GCC2: variants seen among roughly 807,000 people sequenced by gnomAD.
The protein encoded by GCC2 is GRIP and coiled-coil domain-containing protein 2.
In GCC2, 120 loss-of-function variants were observed where a neutral mutation model predicts 210.6. The observed-to-expected ratio is 0.57, with a 90% CI of 0.49 to 0.66. The LOEUF is 0.66. Among genes scored for constraint, GCC2 ranks in the 30% least tolerant of loss-of-function variants. The pLI, the probability that GCC2 is intolerant of heterozygous loss-of-function variation, is 0.00. For synonymous variants in GCC2, 703 were observed against 652.7 expected (o/e 1.08, Z -1.17); for missense variants, 1,868 against 1,871.9 (o/e 1.00, Z 0.04).
chr2:108,504,716 A>C (rs1268121020), intron 22 of GCC2, among the ~76,000 whole-genome samples: 1 of 152,136 alleles, frequency 6.6e-6, no homozygotes, highest in African/African-American at 2.4e-5. Context: ...TATATGCAAA[A>C]TTTGAATCTC....
chr2:108,465,276 G>A (rs1383492104), intron 4 of GCC2, among the ~76,000 whole-genome samples: 1 of 152,216 alleles, frequency 6.6e-6, no homozygotes, highest in Middle Eastern at 3.2e-3. Context: ...AGTGGAGGAG[G>A]TAAGTAAGAG....
chr2:108,475,456 A>G, intron 7 of GCC2, 79 bp from the exon 8 acceptor site: 2 of 611,378 alleles, frequency 3.3e-6, no homozygotes. Context: ...CTCCCAAATA[A>G]TCTAGGGCTA....
At chr2:108,457,678 A>G (rs1345183624) in intron 4 of GCC2, among the ~76,000 whole-genome samples, 1 of 152,172 alleles carries the variant, frequency 6.6e-6, no homozygotes, top group Non-Finnish European at 1.5e-5. Flanking sequence ...TTTTCATTAT[A>G]GAGATCTTAC....
intron 18 of GCC2, among the ~76,000 whole-genome samples, chr2:108,491,067 T>C (rs61333803): frequency 0.017 from 2,523 of 152,240 alleles, 82 homozygotes; most frequent in African/African-American, 0.059. Context: ...GTCTCCACTT[T>C]TAAAAAATGT....
At position 108,453,636 on chromosome 2, in the gene GCC2, T is replaced by C. The variant is rs35983570; in HGVS notation, c.216+1170T>C. Among the ~76,000 whole-genome samples, 906 of 152,072 alleles carry C rather than the reference T, an allele frequency of 6.0e-3. 5 individuals are homozygous for C. Among genetic ancestry groups the C allele is most frequent in the Non-Finnish European group, 9.9e-3 (671 of 67,966 alleles). ...CCTGTCTGTACTAAAAATACAACAT[T>C]TAGCTGGGCGTGATTGCCCACACCT... On this transcript the variant is annotated intron_variant, in intron 4 of 22. Transcript: ENST00000309863.
rs1681129370 is a variant in GCC2 at position 108,470,360 on chromosome 2, T to G, written c.1031T>G (p.Leu344Arg). 1 of 1,605,740 alleles carries G rather than the reference T, an allele frequency of 6.2e-7. No individual in the cohort carries two copies. Among genetic ancestry groups the G allele is most frequent in the Non-Finnish European group, 8.5e-7 (1 of 1,175,604 alleles). Residue 344 changes from leucine to arginine, a missense_variant, in exon 6 of 23, where the codon CTT becomes CGT. By Grantham distance (102) the Leu-to-Arg change is moderately radical. Coordinates refer to ENST00000309863, the MANE Select transcript of GCC2 (RefSeq NM_181453.4). ...VKHLEDTLKE[L>R]ESQHSILKDE... ...CACTTAGAAGATACCTTAAAAGAAC[T>G]TGAATCTCAACACAGTATCTTAAAA...
chr2:108,490,373 G>A (rs1266085746), intron 18 of GCC2, among the ~76,000 whole-genome samples: 1 of 151,974 alleles, frequency 6.6e-6, no homozygotes, highest in African/African-American at 2.4e-5. Context: ...GTTGCTAACT[G>A]AAAAAGAATA....
intron 20 of GCC2, chr2:108,496,253 T>C (rs1033302744): frequency 2.0e-5 from 3 of 151,946 alleles, no homozygotes; most frequent in Non-Finnish European, 2.9e-5. Context: ...TAATGCTAAA[T>C]TTTTGTAGTG....
chr2:108,505,601 G>A (rs966875383), intron 22 of GCC2, among the ~76,000 whole-genome samples: 58 of 152,196 alleles, frequency 3.8e-4, no homozygotes, highest in African/African-American at 1.4e-3. Context: ...CCATCCCATA[G>A]GCAAGGAACA....
rs778958751 is a variant in GCC2 at position 108,470,641 on chromosome 2, T to C, written c.1312T>C (p.Ser438Pro). The C allele has an allele frequency of 8.7e-6, 14 of 1,612,010 alleles. No individual in the cohort carries two copies. The highest frequency in any genetic ancestry group is 2.2e-5 in the East Asian group (1 of 44,840). The change falls in exon 6 of 23, where the codon TCA (serine) becomes CCA (proline). Residue 438 changes from serine (S) to proline (P), a missense_variant. By Grantham distance (74) the Ser-to-Pro change is moderately conservative (BLOSUM62 -1). This residue lies in a region of GCC2 where 1,847 missense variants were observed against 1,765.2 expected (regional missense o/e 1.05). Transcript: ENST00000309863. ...SLKEQHQKEI[S>P]ELNETFLSDS... ...TAAGGAACAACATCAAAAAGAAATA[T>C]CAGAACTAAATGAGACATTTTTGTC... is the stretch of plus-strand genomic sequence containing the variant.
At chr2:108,456,928 T>C (rs1346791125) in intron 4 of GCC2, among the ~76,000 whole-genome samples, 2 of 146,362 alleles carry the variant, frequency 1.4e-5, no homozygotes, top group Non-Finnish European at 3.0e-5. Flanking sequence ...CCAGCCTGGG[T>C]GACAGAGGGA....
At chr2:108,491,849 G>A (rs1682418314) in intron 18 of GCC2, among the ~76,000 whole-genome samples, 1 of 151,686 alleles carries the variant, frequency 6.6e-6, no homozygotes, top group Non-Finnish European at 1.5e-5. Context: ...AAAAGTGATG[G>A]TTCCCAAATT....
Position 108,470,715 on chromosome 2 carries a change from T to C in GCC2, c.1386T>C (p.Leu462=). 1.2e-6 allele frequency: 2 copies of C among 1,612,492 alleles called. No individual in the cohort carries two copies. The highest frequency in any genetic ancestry group is 1.7e-6 in the Non-Finnish European group (2 of 1,179,290). The change falls in exon 6 of 23, where the codon CTT becomes CTC. Residue 462 remains leucine (L), a synonymous_variant. Coordinates refer to ENST00000309863, the MANE Select transcript of GCC2 (RefSeq NM_181453.4). ...CATTAATGTTTGAAATACAGGGTCT[T>C]AAGGAACAGTGTGAAAACCTACAGC... ...KLTLMFEIQG[L]KEQCENLQQE...
At position 108,504,659 on chromosome 2, in the gene GCC2, T is replaced by C. The variant is rs546264884; in HGVS notation, c.4985-2901T>C. On this transcript the variant is annotated intron_variant, in intron 22 of 22. Coordinates refer to ENST00000309863, the MANE Select transcript of GCC2 (RefSeq NM_181453.4). ...TTCATTTCTATTTCAGGTAGACTTATGGTAAGTCAGTTTTGCTCCCCAAAT... is the reference window on the plus strand; with the variant it reads ...TTCATTTCTATTTCAGGTAGACTTACGGTAAGTCAGTTTTGCTCCCCAAAT... Among the ~76,000 whole-genome samples the C allele has an allele frequency of 3.9e-5, 6 of 152,212 alleles. No individual in the cohort carries two copies. The East Asian group carries it at 5.8e-4, about 15-fold the overall frequency.
In GCC2 at chr2:108,471,505, C is replaced by T; in HGVS notation, c.2176C>T (p.Gln726Ter). Reference sequence around the variant, plus strand: ...TGTTATCCTTAAAGAACATATTACTCAATTAGAAAAGAAACTTCAGTTAAT... The same window carrying T: ...TGTTATCCTTAAAGAACATATTACTTAATTAGAAAAGAAACTTCAGTTAAT... Reference protein sequence around the residue: ...EDVILKEHITQLEKKLQLMVE... With the variant: ...EDVILKEHIT The change falls in exon 6 of 23, where the codon CAA becomes TAA. Residue 726 changes from glutamine (Q) to a stop codon, truncating the protein, a stop_gained. Transcript: ENST00000309863. LOFTEE classifies it high-confidence loss of function. 6.2e-7 allele frequency: 1 copy of T among 1,606,214 alleles called. No individual in the cohort carries two copies. Among genetic ancestry groups the T allele is most frequent in the East Asian group, 2.2e-5 (1 of 44,782 alleles).
chr2:108,504,122 TA>T (rs995192373), intron 22 of GCC2, among the ~76,000 whole-genome samples: 3 of 151,436 alleles, frequency 2.0e-5, no homozygotes, highest in Non-Finnish European at 4.4e-5. Flanking sequence ...ACCCCATCTT[TA>T]AAAAAAAATT....
At chr2:108,462,474 G>T (rs1209789879) in intron 4 of GCC2, 2 of 146,642 alleles carry the variant, frequency 1.4e-5, no homozygotes, top group Non-Finnish European at 3.0e-5. Flanking sequence ...AGCCTGGGGG[G>T]CAGAGCGAGA....
At position 108,475,371 on chromosome 2, in the gene GCC2, T is replaced by G. The variant is rs1681454350; in HGVS notation, c.2861-164T>G. 3 of 454,166 alleles carry G rather than the reference T, an allele frequency of 6.6e-6. No individual in the cohort carries two copies. In the South Asian group the frequency reaches 1.4e-4, roughly 21 times the overall value. The allele number at this position is 454,166 out of a possible 1,614,324, so 28.1% of individuals were successfully genotyped here. ...TTTTTACATTGTTTGTCTCACATAA[T>G]GAATAAAATTCCACTTTAAAAAATG... On this transcript the variant is annotated intron_variant, in intron 7 of 22. Coordinates refer to ENST00000309863, the MANE Select transcript of GCC2 (RefSeq NM_181453.4).
intron 9 of GCC2, among the ~76,000 whole-genome samples, chr2:108,479,424 T>C (rs1199479623): frequency 2.6e-5 from 4 of 152,152 alleles, no homozygotes; most frequent in Non-Finnish European, 5.9e-5. Flanking sequence ...GCAGATTGCC[T>C]GAGCTTAGGA....
Sources: gnomAD v4.1 joint callset for allele counts (sites outside exome capture counted in the v4.1 genomes callset) on GRCh38, gnomAD v4.1.1 for gene constraint, gnomAD v4.1.1 regional missense constraint, MANE v1.5 for transcripts, NCBI Gene and HGNC (gene_info 2026-07-23, HGNC 2026-07-21) for gene names.